The following PHLPP1 variants were observed in gnomAD, a reference collection of about 807,000 sequenced individuals.
PHLPP1 encodes the protein PH domain leucine-rich repeat-containing protein phosphatase 1.
PHLPP1 carries 42 observed loss-of-function variants against 117.2 expected under a neutral mutation model. That is an observed-to-expected ratio of 0.36 (90% CI 0.28 to 0.46). The LOEUF (loss-of-function observed/expected upper bound fraction) is 0.46. PHLPP1 is among the 20% of genes least tolerant of loss of function. The pLI, the probability that PHLPP1 is intolerant of heterozygous loss-of-function variation, is 1.00. For missense variants in PHLPP1, 2,084 were observed against 2,241.9 expected, an observed-to-expected ratio of 0.93 and a Z score of 1.42; for synonymous variants, 1,042 against 970.7, an observed-to-expected ratio of 1.07 and a Z score of -1.37.
At chr18:62,773,718 G>T (rs1912866705) in intron 1 of PHLPP1, among the ~76,000 whole-genome samples, 1 of 152,150 alleles carries the variant, frequency 6.6e-6, no homozygotes, top group African/African-American at 2.4e-5. Flanking sequence ...CTGTGAATTT[G>T]GTAGAAAATG....
At chr18:62,734,358 T>C (rs1911310340) in intron 1 of PHLPP1, among the ~76,000 whole-genome samples, 1 of 152,228 alleles carries the variant, frequency 6.6e-6, no homozygotes, top group African/African-American at 2.4e-5. Flanking sequence ...ACCTCTCGTC[T>C]ATGCTAGGAA....
intron 1 of PHLPP1, among the ~76,000 whole-genome samples, chr18:62,750,394 C>G (rs1911809294): frequency 6.6e-6 from 1 of 152,158 alleles, no homozygotes; most frequent in Non-Finnish European, 1.5e-5. Flanking sequence ...CTCCATCCCT[C>G]TATACAGACA....
chr18:62,777,168 AGT>A (rs1018117900), intron 1 of PHLPP1, among the ~76,000 whole-genome samples: 7 of 152,222 alleles, frequency 4.6e-5, no homozygotes, highest in Admixed American at 3.3e-4. Flanking sequence ...TTTCACTAGC[AGT>A]GTTTGAAAGT....
chr18:62,855,377 T>C (rs994483693), intron 3 of PHLPP1, among the ~76,000 whole-genome samples: 3 of 152,152 alleles, frequency 2.0e-5, no homozygotes, highest in Non-Finnish European at 2.9e-5. Context: ...GTTTTCTCAT[T>C]TGGGAATCAA....
chr18:62,967,179 C>T (rs919029937), intron 14 of PHLPP1, among the ~76,000 whole-genome samples: 20 of 152,122 alleles, frequency 1.3e-4, no homozygotes, highest in Non-Finnish European at 2.9e-5. Context: ...TTAGCAATTG[C>T]GAATGAAAGT....
chr18:62,858,760 G>C (rs1915560556), intron 3 of PHLPP1, among the ~76,000 whole-genome samples: 1 of 152,012 alleles, frequency 6.6e-6, no homozygotes, highest in South Asian at 2.1e-4. Flanking sequence ...GCAAGACCTT[G>C]CCCCTACTTT....
intron 4 of PHLPP1, among the ~76,000 whole-genome samples, chr18:62,882,089 T>C (rs1487230318): frequency 6.6e-6 from 1 of 152,162 alleles, no homozygotes; most frequent in Non-Finnish European, 1.5e-5. Flanking sequence ...TATGTAACTA[T>C]TATGGCACAT....
chr18:62,755,393 T>C (rs1911983781), intron 1 of PHLPP1, among the ~76,000 whole-genome samples: 2 of 152,164 alleles, frequency 1.3e-5, no homozygotes, highest in Admixed American at 6.5e-5. Context: ...AAAGTTTAGA[T>C]AGTGCCGTGG....
intron 1 of PHLPP1, among the ~76,000 whole-genome samples, chr18:62,741,909 A>G (rs988460094): frequency 1.3e-5 from 2 of 151,910 alleles, no homozygotes; most frequent in African/African-American, 4.8e-5. Context: ...AGGAAATTGT[A>G]AGGGGCCATA....
Position 62,715,769 on chromosome 18 carries a change from C to T in PHLPP1, c.86C>T (p.Ala29Val), listed in dbSNP as rs998127429. 2 of 917,896 alleles carry T rather than the reference C, an allele frequency of 2.2e-6. No individual in the cohort carries two copies. The highest frequency in any genetic ancestry group is 5.6e-5 in the Admixed American group (1 of 17,720). The allele number at this position is 917,896 out of a possible 1,614,324, so 56.9% of individuals were successfully genotyped here. A position where few individuals can be genotyped will look rare whatever the true frequency, so the allele number is the denominator to read the frequency against. ...GCTTCGGCTCCGGCGGCCGCCGCTG[C>T]GGCAGCAGCAGCAGCAGCGGCGGCC... ...DRASAPAAAA[A>V]AAAAAAAAAA... The change falls in exon 1 of 17, where the codon GCG becomes GTG. Residue 29 changes from alanine to valine, a missense_variant. Physicochemically the swap from Ala to Val is moderately conservative, Grantham distance 64. Transcript: ENST00000262719.
intron 1 of PHLPP1, among the ~76,000 whole-genome samples, chr18:62,829,658 A>G (rs1045965435): frequency 1.8e-4 from 27 of 152,168 alleles, no homozygotes; most frequent in Non-Finnish European, 2.6e-4. Context: ...AGGCTGAGGC[A>G]GGAGAATTGC....
chr18:62,948,870 G>A (rs1652643197), intron 12 of PHLPP1, among the ~76,000 whole-genome samples: 1 of 152,032 alleles, frequency 6.6e-6, no homozygotes, highest in African/African-American at 2.4e-5. Flanking sequence ...ATATAAGTAT[G>A]TATATTTGAA....
intron 1 of PHLPP1, among the ~76,000 whole-genome samples, chr18:62,728,793 C>T (rs1200118334): frequency 6.6e-6 from 1 of 152,190 alleles, no homozygotes; most frequent in African/African-American, 2.4e-5. Context: ...AGGCATGAGC[C>T]ACTGCGCCTG....
At chr18:62,747,023 G>A (rs1386955634) in intron 1 of PHLPP1, among the ~76,000 whole-genome samples, 2 of 152,024 alleles carry the variant, frequency 1.3e-5, no homozygotes, top group Non-Finnish European at 2.9e-5. Flanking sequence ...CATTATTTAA[G>A]TCTACTACAT....
chr18:62,808,556 T>C (rs1398230580), intron 1 of PHLPP1, among the ~76,000 whole-genome samples: 12 of 151,532 alleles, frequency 7.9e-5, no homozygotes, highest in African/African-American at 2.9e-4. Flanking sequence ...TGTTTTTTTT[T>C]GTTTTTTTTT....
chr18:62,945,154 G>A lies in PHLPP1; in HGVS notation c.3207G>A (p.Gly1069=), dbSNP rs776134891. ...LEELEEIDLS[G]NKLKAIPTTI... ...AACTTGAAGAAATTGATCTCAGTGG[G>A]AATAAGCTGAAAGCCATCCCAACAA... Residue 1069 remains glycine (G), a synonymous_variant, in exon 12 of 17, where the codon GGG becomes GGA. Coordinates refer to ENST00000262719, the MANE Select transcript of PHLPP1 (RefSeq NM_194449.4). 1.2e-6 allele frequency: 2 copies of A among 1,611,740 alleles called. No individual in the cohort carries two copies. Among genetic ancestry groups the A allele is most frequent in the Non-Finnish European group, 1.7e-6 (2 of 1,179,180 alleles).
At chr18:62,946,440 A>AT (rs2078484196) in intron 12 of PHLPP1, among the ~76,000 whole-genome samples, 1 of 151,748 alleles carries the variant, frequency 6.6e-6, no homozygotes, top group African/African-American at 2.4e-5. Flanking sequence ...TAACTTTTGT[A>AT]TTTTTTTGTA....
intron 15 of PHLPP1, 41 bp downstream of exon 15, chr18:62,972,749 T>C: frequency 6.9e-7 from 1 of 1,454,444 alleles, no homozygotes; most frequent in Non-Finnish European, 9.6e-7. Flanking sequence ...TGTGTTTTCT[T>C]GCTCTTTGAG....
intron 2 of PHLPP1, chr18:62,837,764 G>A (rs12954480): frequency 0.057 from 8,634 of 150,568 alleles, 339 homozygotes; most frequent in Middle Eastern, 0.09. Flanking sequence ...GGGTTTAAGC[G>A]ATCCTCCCAC....
Sources: allele counts gnomAD v4.1 joint callset (sites outside exome capture counted in the v4.1 genomes callset), GRCh38; gene constraint gnomAD v4.1.1; transcripts MANE v1.5; gene names NCBI Gene and HGNC (gene_info 2026-07-23, HGNC 2026-07-21).